The following ARFGEF1 variants were observed in gnomAD, a reference collection of about 807,000 sequenced individuals.
The protein encoded by ARFGEF1 is brefeldin A-inhibited guanine nucleotide-exchange protein 1.
ARFGEF1 carries 42 observed loss-of-function variants against 231.0 expected under a neutral mutation model. That is an observed-to-expected ratio of 0.18 (90% CI 0.14 to 0.24). The LOEUF (loss-of-function observed/expected upper bound fraction) is 0.24. Ranked by LOEUF, ARFGEF1 falls within the 10% of genes least tolerant of loss-of-function variation. ARFGEF1 has a pLI of 1.00. For synonymous variants in ARFGEF1, 710 were observed against 732.3 expected (o/e 0.97, Z 0.49); for missense variants, 1,345 against 2,192.0 (o/e 0.61, Z 7.72).
intron 5 of ARFGEF1, among the ~76,000 whole-genome samples, chr8:67,184,549 T>C (rs989987531): frequency 1.3e-5 from 2 of 149,088 alleles, no homozygotes; most frequent in African/African-American, 5.0e-5. Context: ...ACCAGCCTGG[T>C]CAACATCTCT....
intron 7 of ARFGEF1, among the ~76,000 whole-genome samples, chr8:67,281,509 G>T (rs1302088455): frequency 6.6e-6 from 1 of 151,618 alleles, no homozygotes; most frequent in Non-Finnish European, 1.5e-5. Flanking sequence ...AAATTTAATG[G>T]TGAAATATAG....
At chr8:67,307,289 G>GA (rs1806793495) in intron 1 of ARFGEF1, among the ~76,000 whole-genome samples, 1 of 152,206 alleles carries the variant, frequency 6.6e-6, no homozygotes, top group Non-Finnish European at 1.5e-5. Context: ...TCTAGAAAGA[G>GA]AATCAAACCA....
chr8:67,343,267 C>G lies in ARFGEF1; in HGVS notation c.21G>C (p.Thr7=), dbSNP rs1180349851. MYEGKK[T]KNMFLTRALE... ...GAGCCCGGGTCAGGAACATGTTCTTCGTCTTCTTCCCCTCATACATGGACG... is the reference window on the plus strand; with the variant it reads ...GAGCCCGGGTCAGGAACATGTTCTTGGTCTTCTTCCCCTCATACATGGACG... The change falls in exon 1 of 39, where the codon ACG becomes ACC. Residue 7 remains threonine (T), a synonymous_variant. Coordinates refer to ENST00000262215, the MANE Select transcript of ARFGEF1 (RefSeq NM_006421.5). The G allele has an allele frequency of 6.2e-7, 1 of 1,613,718 alleles. No individual in the cohort carries two copies. Among genetic ancestry groups the G allele is most frequent in the Admixed American group, 1.7e-5 (1 of 60,000 alleles).
Position 67,216,612 on chromosome 8 carries a change from G to T in ARFGEF1, c.4664C>A (p.Ser1555Tyr). 6.2e-7 allele frequency: 1 copy of T among 1,605,528 alleles called. No homozygotes were observed. Among genetic ancestry groups the T allele is most frequent in the Admixed American group, 1.7e-5 (1 of 57,592 alleles). ...NSGETAPPPPSPVSEKPLDTI... is the reference protein window; with the variant it reads ...NSGETAPPPPYPVSEKPLDTI... ...TACCAATGGCTTTTCACTTACAGGA[G>T]ATGGAGGTGGGGGGGCAGTTTCTCC... is the stretch of plus-strand genomic sequence containing the variant. Residue 1555 changes from serine (S) to tyrosine (Y), a missense_variant, in exon 33 of 39, where the codon TCT becomes TAT. Coordinates refer to ENST00000262215, the MANE Select transcript of ARFGEF1 (RefSeq NM_006421.5).
At chr8:67,192,066 GTT>G (rs34907123) in intron 5 of ARFGEF1, among the ~76,000 whole-genome samples, 1 of 129,858 alleles carries the variant, frequency 7.7e-6, no homozygotes, top group African/African-American at 3.0e-5. Flanking sequence ...TTGCTGATTT[GTT>G]TTTTTTTTTG....
At chr8:67,277,638 A>G (rs1805368287) in intron 7 of ARFGEF1, among the ~76,000 whole-genome samples, 181 bp from the exon 8 acceptor site, 1 of 150,150 alleles carries the variant, frequency 6.7e-6, no homozygotes, top group Admixed American at 6.6e-5. Context: ...GCATACTTCC[A>G]AATACAATCC....
At chr8:67,286,474 C>T (rs746034016) in intron 7 of ARFGEF1, among the ~76,000 whole-genome samples, 5 of 152,180 alleles carry the variant, frequency 3.3e-5, no homozygotes, top group Non-Finnish European at 4.4e-5. Flanking sequence ...ACAATCTCTA[C>T]TGGAACTATT....
intron 14 of ARFGEF1, 48 bp from the exon 15 acceptor site, chr8:67,259,974 T>C: frequency 7.5e-7 from 1 of 1,331,266 alleles, no homozygotes; most frequent in South Asian, 1.3e-5. Context: ...CCATTCGTAG[T>C]CCCTGAAAAG....
downstream of ARFGEF1, among the ~76,000 whole-genome samples, chr8:67,197,223 A>C (rs1587008631): frequency 6.6e-6 from 1 of 152,240 alleles, no homozygotes; most frequent in East Asian, 1.9e-4. Context: ...AGTTGGGAGG[A>C]TCACTTCAGG....
At chr8:67,195,739 T>TATTA (rs1837813034), downstream of ARFGEF1, 1 of 626,260 alleles carries the variant, frequency 1.6e-6, no homozygotes, top group South Asian at 2.1e-5. Flanking sequence ...TCATGATGTA[T>TATTA]ATTATGTACA....
rs139806739 is a variant in ARFGEF1 at position 67,293,044 on chromosome 8, G to C, written c.640-921C>G. The stretch of plus-strand genomic sequence containing the variant: ...GGAGTTTTATTTTGTGGGGGAAGGG[G>C]AAAATTAAGGTTACCAGTAGCTAAT... On this transcript the variant is annotated intron_variant, in intron 5 of 38. Transcript: ENST00000262215. Among the ~76,000 whole-genome samples the C allele has an allele frequency of 1.1e-3, 165 of 152,200 alleles. 1 individual carries two copies. Among genetic ancestry groups the C allele is most frequent in the African/African-American group, 3.8e-3 (157 of 41,542 alleles).
At chr8:67,179,967 T>G (rs1586789557) in intron 5 of ARFGEF1, 1 of 1,163,164 alleles carries the variant, frequency 8.6e-7, no homozygotes, top group East Asian at 2.4e-5. Context: ...TGTTTAAATA[T>G]TAAACCTTTC....
At chr8:67,227,775 A>T (rs1452455134) in intron 25 of ARFGEF1, among the ~76,000 whole-genome samples, 177 bp from the exon 26 acceptor site, 1 of 152,078 alleles carries the variant, frequency 6.6e-6, no homozygotes, top group Non-Finnish European at 1.5e-5. Context: ...AGATATTTTA[A>T]ATCAAATTCT....
chr8:67,342,559 T>C (rs1228283297), intron 1 of ARFGEF1, among the ~76,000 whole-genome samples: 1 of 152,132 alleles, frequency 6.6e-6, no homozygotes, highest in Non-Finnish European at 1.5e-5. Context: ...ACCGGTCTTG[T>C]TCTTCCAGGT....
intron 1 of ARFGEF1, among the ~76,000 whole-genome samples, chr8:67,337,148 A>AAAAC (rs1808386319): frequency 6.6e-6 from 1 of 151,742 alleles, no homozygotes; most frequent in African/African-American, 2.4e-5. Flanking sequence ...AAAAAAAAAA[A>AAAAC]AAACAGACAA....
rs754707005 is a variant in ARFGEF1 at position 67,267,087 on chromosome 8, T to C, written c.1812+4A>G. 2 of 1,612,480 alleles carry C rather than the reference T, an allele frequency of 1.2e-6. No individual in the cohort carries two copies. Among genetic ancestry groups the C allele is most frequent in the South Asian group, 2.2e-5 (2 of 90,946 alleles). On this transcript the variant is annotated splice_donor_region_variant and intron_variant, in intron 12 of 38. Coordinates refer to ENST00000262215, the MANE Select transcript of ARFGEF1 (RefSeq NM_006421.5). ...AAATTTGAAAATGTTTTTATAGTTC[T>C]TACCTGAACATTACTCATACCAAGT...
downstream of ARFGEF1, chr8:67,195,491 G>T: frequency 1.2e-6 from 2 of 1,614,184 alleles, no homozygotes; most frequent in South Asian, 1.1e-5. Flanking sequence ...CTTCAGAAAC[G>T]CTGAAACGTT....
chr8:67,342,989 C>G (rs1218794625), intron 1 of ARFGEF1, among the ~76,000 whole-genome samples, 175 bp downstream of exon 1: 1 of 152,142 alleles, frequency 6.6e-6, no homozygotes, highest in Non-Finnish European at 1.5e-5. Flanking sequence ...GCCTCTGCCC[C>G]ACATCCAGCC....
downstream of ARFGEF1, chr8:67,175,066 T>C: frequency 2.2e-6 from 1 of 457,086 alleles, no homozygotes; most frequent in East Asian, 4.2e-5. Flanking sequence ...TGTTCTGGGG[T>C]ATTCCTTATG....
Sources: gnomAD v4.1 joint callset for allele counts (sites outside exome capture counted in the v4.1 genomes callset) on GRCh38, gnomAD v4.1.1 for gene constraint, MANE v1.5 for transcripts, NCBI Gene and HGNC (gene_info 2026-07-23, HGNC 2026-07-21) for gene names.